Variants in RBFOX3 observed in about 807,000 individuals in gnomAD.
RBFOX3 encodes RNA binding protein fox-1 homolog 3.
RBFOX3 carries 17 observed loss-of-function variants against 48.7 expected under a neutral mutation model. The ratio of observed to expected loss-of-function variants is 0.35; its 90% CI spans 0.24 to 0.52. The LOEUF is 0.52. Among genes scored for constraint, RBFOX3 ranks in the 20% least tolerant of loss-of-function variants. The pLI, the probability that RBFOX3 is intolerant of heterozygous loss-of-function variation, is 0.94. For synonymous variants in RBFOX3, 212 were observed against 209.5 expected, an observed-to-expected ratio of 1.01 and a Z score of -0.10; for missense variants, 382 against 497.5, an observed-to-expected ratio of 0.77 and a Z score of 2.21.
chr17:79,301,328 T>C (rs1279819689), intron 3 of RBFOX3, among the ~76,000 whole-genome samples: 1 of 152,230 alleles, frequency 6.6e-6, no homozygotes, highest in Non-Finnish European at 1.5e-5. Context: ...GGAACCCCAC[T>C]GGGGTGAGCG....
rs2059596706 is a variant in RBFOX3 at position 79,220,494 on chromosome 17, C to A, written c.-34+15272G>T. Among the ~76,000 whole-genome samples, 1 of 152,110 alleles carries A rather than the reference C, an allele frequency of 6.6e-6. No individual in the cohort carries two copies. The highest frequency in any genetic ancestry group is 1.5e-5 in the Non-Finnish European group (1 of 68,028). ...CGCTCGCCCATCGATGGGGTCCTGC[C>A]CGGCACTGCCCTGTCGCAGTCACTC... On this transcript the variant is annotated intron_variant, in intron 4 of 14. Coordinates refer to ENST00000693108, the MANE Select transcript of RBFOX3 (RefSeq NM_001350451.2). This position sits in a 1 kb window ranked among gnomAD's most constrained non-coding sequence, Gnocchi z 5.9.
chr17:79,636,630 G>A, the RBFOX3 span, among the ~76,000 whole-genome samples: 1 of 152,046 alleles, frequency 6.6e-6, no homozygotes, highest in Non-Finnish European at 1.5e-5. Context: ...GATGTTTTAT[G>A]TAAGCCTCAC....
Position 79,610,890 on chromosome 17 carries a change from C to G in RBFOX3, c.-384G>C, listed in dbSNP as rs1224956787. On this transcript the variant is annotated 5_prime_UTR_variant, in exon 1 of 15. Coordinates refer to ENST00000693108, the MANE Select transcript of RBFOX3 (RefSeq NM_001350451.2). ...GGCCATGCCCCGGCTGCATCCCGGC[C>G]GCCGAGCGGGCAGCGGCGTCCTGGG... 6.6e-6 allele frequency among the ~76,000 whole-genome samples: 1 copy of G among 151,566 alleles called. No individual in the cohort carries two copies. The highest frequency in any genetic ancestry group is 2.0e-4 in the East Asian group (1 of 5,114).
upstream of RBFOX3, among the ~76,000 whole-genome samples, chr17:79,612,640 C>T (rs1434065392): frequency 2.0e-5 from 3 of 152,242 alleles, no homozygotes; most frequent in Admixed American, 6.5e-5. Context: ...AACAGCCCCA[C>T]AGCTAACCAC....
chr17:79,564,179 G>T (rs1020601937), intron 1 of RBFOX3, among the ~76,000 whole-genome samples: 2 of 152,090 alleles, frequency 1.3e-5, no homozygotes, highest in South Asian at 2.1e-4. Context: ...TGCTCTCCCC[G>T]AAGCCCAAAC....
chr17:79,343,679 C>G (rs1380703718), intron 2 of RBFOX3, among the ~76,000 whole-genome samples: 1 of 152,160 alleles, frequency 6.6e-6, no homozygotes, highest in Non-Finnish European at 1.5e-5. Flanking sequence ...CACACTGACC[C>G]CTAGTAACAG....
intron 1 of RBFOX3, among the ~76,000 whole-genome samples, chr17:79,552,618 G>C (rs36163877): frequency 0.81 from 123,172 of 152,098 alleles, 52,229 homozygotes; most frequent in Non-Finnish European, 0.94. Context: ...AATATTTCTT[G>C]AATTATAATG....
At chr17:79,512,315 A>G (rs2084434353) in intron 1 of RBFOX3, among the ~76,000 whole-genome samples, 9 of 125,248 alleles carry the variant, frequency 7.2e-5, no homozygotes, top group African/African-American at 1.5e-4. Flanking sequence ...GCCAGGGAAC[A>G]CCCACCCGGA....
chr17:79,613,071 C>G (rs1440527738), upstream of RBFOX3, among the ~76,000 whole-genome samples: 1 of 152,220 alleles, frequency 6.6e-6, no homozygotes, highest in Non-Finnish European at 1.5e-5. Flanking sequence ...GAAGTGGGGA[C>G]ACATTGACCT....
At chr17:79,186,779 G>C (rs981645) in intron 4 of RBFOX3, among the ~76,000 whole-genome samples, 45,081 of 152,208 alleles carry the variant, frequency 0.3, 6,953 homozygotes, top group East Asian at 0.4. Context: ...GCGCTCCTGG[G>C]CACCACTATA....
At chr17:79,168,360 G>A (rs974840713) in intron 4 of RBFOX3, among the ~76,000 whole-genome samples, 1 of 152,252 alleles carries the variant, frequency 6.6e-6, no homozygotes, top group South Asian at 2.1e-4. Flanking sequence ...CTGAGTATGG[G>A]TTTAAATTGT....
At chr17:79,611,152 C>T (rs2093962387), upstream of RBFOX3, among the ~76,000 whole-genome samples, 1 of 33,638 alleles carries the variant, frequency 3.0e-5, no homozygotes, top group African/African-American at 7.6e-5. Flanking sequence ...CTCTCTCTCT[C>T]TCTCTCTCTC....
chr17:79,288,496 C>G (rs2072512068), intron 3 of RBFOX3, among the ~76,000 whole-genome samples: 1 of 151,896 alleles, frequency 6.6e-6, no homozygotes, highest in Admixed American at 6.6e-5. Context: ...AGCCCGGCTT[C>G]CAGCCCCTCC....
At chr17:79,402,953 G>C (rs773857873) in intron 2 of RBFOX3, among the ~76,000 whole-genome samples, 1 of 152,174 alleles carries the variant, frequency 6.6e-6, no homozygotes, top group Non-Finnish European at 1.5e-5. Context: ...GCCCGGCAAA[G>C]AGAAGGCTCA....
At chr17:79,231,419 G>A (rs1229539062) in intron 4 of RBFOX3, among the ~76,000 whole-genome samples, 1 of 152,298 alleles carries the variant, frequency 6.6e-6, no homozygotes, top group South Asian at 2.1e-4. Context: ...ACTGGGTAGA[G>A]CATGCAGAGC....
chr17:79,626,494 TC>T, the RBFOX3 span, among the ~76,000 whole-genome samples: 1 of 152,050 alleles, frequency 6.6e-6, no homozygotes. Context: ...AAAATCATCA[TC>T]CCCCGTCTGG....
chr17:79,575,189 G>T (rs943622432), intron 1 of RBFOX3, among the ~76,000 whole-genome samples: 1 of 152,212 alleles, frequency 6.6e-6, no homozygotes, highest in Non-Finnish European at 1.5e-5. Flanking sequence ...CTGGTTCAAC[G>T]CACACCCAGC....
At chr17:79,124,811 TG>T (rs1199434975) in intron 4 of RBFOX3, among the ~76,000 whole-genome samples, 4 of 151,984 alleles carry the variant, frequency 2.6e-5, no homozygotes, top group Non-Finnish European at 5.9e-5. Context: ...CTGGTGACAG[TG>T]GGGGGTGGGA....
intron 2 of RBFOX3, among the ~76,000 whole-genome samples, chr17:79,383,262 C>T (rs1348953580): frequency 3.9e-5 from 6 of 152,204 alleles, no homozygotes; most frequent in Admixed American, 2.0e-4. Flanking sequence ...CCAGGTTGTC[C>T]GGCCTCTCCC....
Sources: gnomAD v4.1 joint callset for allele counts (sites outside exome capture counted in the v4.1 genomes callset) on GRCh38, gnomAD v4.1.1 for gene constraint, Gnocchi (gnomAD v3.1) non-coding constraint, MANE v1.5 for transcripts, NCBI Gene and HGNC (gene_info 2026-07-23, HGNC 2026-07-21) for gene names.